GMEB1: variants seen among roughly 807,000 people sequenced by gnomAD.
GMEB1 encodes the protein glucocorticoid modulatory element binding protein 1.
GMEB1 carries 6 observed loss-of-function variants against 52.4 expected under a neutral mutation model. The observed-to-expected ratio is 0.11, with a 90% CI of 0.06 to 0.23. The LOEUF is 0.23. Ranked by LOEUF, GMEB1 falls within the 10% of genes least tolerant of loss-of-function variation. GMEB1 has a pLI of 1.00. For synonymous variants in GMEB1, 255 were observed against 244.9 expected (o/e 1.04, Z -0.38); for missense variants, 486 against 685.6 (o/e 0.71, Z 3.25).
Position 28,683,756 on chromosome 1 carries a change from T to C in GMEB1, c.128+16T>C. ...TGCAACAAGGGTAAGTGGCTAGAGA[T>C]TTGGGTATTCTGAAGTATTTTGGGA... On this transcript the variant is annotated intron_variant, in intron 2 of 9. Transcript: ENST00000373816. 1 of 1,611,492 alleles carries C rather than the reference T, an allele frequency of 6.2e-7. No homozygotes were observed. The highest frequency in any genetic ancestry group is 8.5e-7 in the Non-Finnish European group (1 of 1,179,034).
At chr1:28,679,077 G>A (rs951291472) in intron 1 of GMEB1, among the ~76,000 whole-genome samples, 15 of 151,710 alleles carry the variant, frequency 9.9e-5, no homozygotes, top group African/African-American at 3.1e-4. Flanking sequence ...TAGCAGAGAC[G>A]GTTTCACCAT....
intron 8 of GMEB1, among the ~76,000 whole-genome samples, chr1:28,706,284 T>C (rs1200280482): frequency 6.6e-6 from 1 of 152,014 alleles, no homozygotes; most frequent in Non-Finnish European, 1.5e-5. Context: ...CTGTGCAGAA[T>C]GTAAAATGAC....
At chr1:28,709,137 A>C (rs1338234811) in intron 8 of GMEB1, among the ~76,000 whole-genome samples, 2 of 150,410 alleles carry the variant, frequency 1.3e-5, no homozygotes, top group African/African-American at 4.9e-5. Context: ...CCATCTCAAA[A>C]AAAAAAAAAA....
chr1:28,691,372 T>G (rs554968229), intron 3 of GMEB1, among the ~76,000 whole-genome samples: 1 of 152,254 alleles, frequency 6.6e-6, no homozygotes, highest in South Asian at 2.1e-4. Context: ...CTAAACAAGA[T>G]TATGTGTGTA....
rs1300014293 is a variant in GMEB1, at chr1:28,716,404, C to G, written c.*1631C>G. The G allele has an allele frequency of 6.6e-6, 1 of 152,174 alleles. No individual in the cohort carries two copies. The highest frequency in any genetic ancestry group is 1.9e-4 in the East Asian group (1 of 5,184). 9.4% of individuals were successfully genotyped at this position (152,174 alleles called of 1,614,324 possible). A position where few individuals can be genotyped will look rare whatever the true frequency, so the allele number is the denominator to read the frequency against. ...GGCTTTGGAACCCAAAGCAGCCACT[C>G]ATTTGGTGCTTCCTCTTGTTCTGCC... On this transcript the variant is annotated 3_prime_UTR_variant, in exon 10 of 10. Coordinates refer to ENST00000373816, the MANE Select transcript of GMEB1 (RefSeq NM_001319674.2).
In GMEB1 at chr1:28,696,993, A is replaced by G. The variant is rs1230183867; in HGVS notation, c.507A>G (p.Arg169=). Residue 169 remains arginine (R), a synonymous_variant, in exon 6 of 10, where the codon AGA becomes AGG. Transcript: ENST00000373816. The stretch of plus-strand genomic sequence containing the variant: ...ACAAAGTTTGCTCCAATACCTGCAG[A>G]AGCACCAAATTTGATCTTCTGATCA... The part of the protein sequence containing the change: ...QHDKVCSNTC[R]STKFDLLISS... 6.2e-7 allele frequency: 1 copy of G among 1,611,052 alleles called. No homozygotes were observed. The highest frequency in any genetic ancestry group is 8.5e-7 in the Non-Finnish European group (1 of 1,178,410).
upstream of GMEB1, among the ~76,000 whole-genome samples, chr1:28,668,319 T>C (rs745550523): frequency 4.6e-5 from 7 of 151,780 alleles, no homozygotes; most frequent in Non-Finnish European, 8.8e-5. Context: ...AGACAATGCT[T>C]AGGGCTTGCT....
rs766289029 is a variant in GMEB1, at chr1:28,691,751, TG to T, written c.336+43del. 4.0e-5 allele frequency: 52 copies of T among 1,303,798 alleles called. 1 individual carries two copies. In the Admixed American group the frequency reaches 4.1e-4, roughly 10 times the overall value. The allele number at this position is 1,303,798 out of a possible 1,614,324, so 80.8% of individuals were successfully genotyped here. On this transcript the variant is annotated intron_variant, in intron 4 of 9. Coordinates refer to ENST00000373816, the MANE Select transcript of GMEB1 (RefSeq NM_001319674.2). ...TGCTGAAGCCAAATTTGGGACTCCT[TG>T]TTCTCAAAGGGTGTGAGTTCCATGC...
intron 1 of GMEB1, among the ~76,000 whole-genome samples, chr1:28,681,905 G>C (rs1669407830): frequency 6.6e-6 from 1 of 151,860 alleles, no homozygotes; most frequent in African/African-American, 2.4e-5. Flanking sequence ...GGTTTCTCCA[G>C]GTTGGTCAGG....
intron 6 of GMEB1, among the ~76,000 whole-genome samples, chr1:28,699,959 C>G (rs932243928): frequency 2.0e-5 from 3 of 149,110 alleles, no homozygotes; most frequent in Non-Finnish European, 4.4e-5. Context: ...CCTGTGGTCC[C>G]AGCTACTAAG....
chr1:28,705,760 A>G (rs1302939356), intron 8 of GMEB1, among the ~76,000 whole-genome samples: 3 of 151,648 alleles, frequency 2.0e-5, no homozygotes, highest in Admixed American at 1.3e-4. Flanking sequence ...CGATACATCT[A>G]TTTTCAGACT....
At chr1:28,683,287 A>G (rs367995223) in intron 1 of GMEB1, among the ~76,000 whole-genome samples, 3 of 151,298 alleles carry the variant, frequency 2.0e-5, no homozygotes, top group African/African-American at 7.3e-5. Context: ...GTGCAATGGC[A>G]TGATCTCGGC....
At chr1:28,694,961 C>CTTTTT (rs556692778) in intron 5 of GMEB1, among the ~76,000 whole-genome samples, 1 of 105,502 alleles carries the variant, frequency 9.5e-6, no homozygotes, top group Non-Finnish European at 1.9e-5. Flanking sequence ...CGTGGCCAGC[C>CTTTTT]TTTTTTTTTT....
intron 8 of GMEB1, 71 bp downstream of exon 8, chr1:28,704,400 C>T: frequency 7.8e-7 from 1 of 1,278,308 alleles, no homozygotes; most frequent in East Asian, 2.5e-5. Context: ...TCCTGTAAGC[C>T]TTGCAAAAAC....
chr1:28,676,890 A>C (rs933647850), intron 1 of GMEB1, among the ~76,000 whole-genome samples: 1 of 152,034 alleles, frequency 6.6e-6, no homozygotes, highest in African/African-American at 2.4e-5. Flanking sequence ...TGACTCTACT[A>C]AAAATACAAA....
intron 2 of GMEB1, among the ~76,000 whole-genome samples, chr1:28,683,991 TC>T (rs1370388266): frequency 6.6e-6 from 1 of 152,026 alleles, no homozygotes; most frequent in African/African-American, 2.4e-5. Flanking sequence ...GTTGCATGGC[TC>T]CCTCATCTTA....
At chr1:28,697,217 A>AT (rs1391431435) in intron 6 of GMEB1, 133 bp downstream of exon 6, 2 of 143,786 alleles carry the variant, frequency 1.4e-5, no homozygotes, top group East Asian at 2.3e-4. Flanking sequence ...TTTTATTTTA[A>AT]TTTTTTTTGA....
Position 28,718,044 on chromosome 1 carries a change from T to C in GMEB1, c.*3271T>C, listed in dbSNP as rs1272598745. The C allele has an allele frequency of 6.6e-6, 1 of 152,230 alleles. No individual in the cohort carries two copies. The highest frequency in any genetic ancestry group is 1.9e-4 in the East Asian group (1 of 5,202). The allele number at this position is 152,230 out of a possible 1,614,324, so 9.4% of individuals were successfully genotyped here. A position where few individuals can be genotyped will look rare whatever the true frequency, so the allele number is the denominator to read the frequency against. On this transcript the variant is annotated 3_prime_UTR_variant, in exon 10 of 10. Coordinates refer to ENST00000373816, the MANE Select transcript of GMEB1 (RefSeq NM_001319674.2). ...TTGTTAGATATTATGGCACCTGTTGTTGAATGTAGGTTCCCTTACAGCCCT... is the reference window on the plus strand; with the variant it reads ...TTGTTAGATATTATGGCACCTGTTGCTGAATGTAGGTTCCCTTACAGCCCT...
chr1:28,678,741 C>T (rs1406951696), intron 1 of GMEB1, among the ~76,000 whole-genome samples: 1 of 152,036 alleles, frequency 6.6e-6, no homozygotes, highest in Admixed American at 6.6e-5. Context: ...TTCACGTTAC[C>T]ACACCCGGTT....
Sources: allele counts gnomAD v4.1 joint callset (sites outside exome capture counted in the v4.1 genomes callset), GRCh38; gene constraint gnomAD v4.1.1; transcripts MANE v1.5; gene names NCBI Gene and HGNC (gene_info 2026-07-23, HGNC 2026-07-21).